The following DHRS4L2 variants were observed in gnomAD, a reference collection of about 807,000 sequenced individuals.
DHRS4L2 encodes the protein dehydrogenase/reductase SDR family member 4-like 2.
A neutral mutation model predicts 23.9 loss-of-function variants in DHRS4L2; 22 were observed. That is an observed-to-expected ratio of 0.92 (90% confidence interval 0.66 to 1.31). The LOEUF is 1.31. Ranked by LOEUF, DHRS4L2 falls within the 40% of genes most tolerant of loss-of-function variation. DHRS4L2 has a pLI of 0.00. For missense variants in DHRS4L2, 385 were observed against 303.3 expected, an observed-to-expected ratio of 1.27 and a Z score of -2.00; for synonymous variants, 141 against 123.7, an observed-to-expected ratio of 1.14 and a Z score of -0.93.
At position 23,990,096 on chromosome 14, in the gene DHRS4L2, C is replaced by G. The variant is rs915803268; in HGVS notation, c.129-86C>G. 1.9e-6 allele frequency: 3 copies of G among 1,566,560 alleles called. No individual in the cohort carries two copies. The Admixed American group carries it at 6.0e-5, about 31-fold the overall frequency. On this transcript the variant is annotated intron_variant, in intron 1 of 7. Transcript: ENST00000335125. Reference sequence around the variant, plus strand: ...TATAGAGAAAGAGCCAGAATTCAAACCCGGGCAGTCTTAACTTCAGAGCCC... The same window carrying G: ...TATAGAGAAAGAGCCAGAATTCAAAGCCGGGCAGTCTTAACTTCAGAGCCC...
Position 24,004,331 on chromosome 14 carries a change from C to G in DHRS4L2, c.666-6C>G, listed in dbSNP as rs373224355. On this transcript the variant is annotated splice_polypyrimidine_tract_variant and splice_region_variant and intron_variant, in intron 6 of 7. Coordinates refer to ENST00000335125, the MANE Select transcript of DHRS4L2 (RefSeq NM_198083.4). ...AAACATAAAGAGATTTCCCTTCTTCCTACAGCTCTGGATGGACAAGGAAAA... is the reference window on the plus strand; with the variant it reads ...AAACATAAAGAGATTTCCCTTCTTCGTACAGCTCTGGATGGACAAGGAAAA... 11 of 1,600,718 alleles carry G rather than the reference C, an allele frequency of 6.9e-6. 1 individual carries two copies. The highest frequency in any genetic ancestry group is 4.4e-5 in the African/African-American group (3 of 68,120).
chr14:23,998,241 G>A (rs2034421734), intron 3 of DHRS4L2, among the ~76,000 whole-genome samples: 1 of 152,006 alleles, frequency 6.6e-6, no homozygotes, highest in Non-Finnish European at 1.5e-5. Flanking sequence ...TCCATTTACA[G>A]AGCACAGGCA....
chr14:24,005,242 TTTTG>T, intron 7 of DHRS4L2, among the ~76,000 whole-genome samples: 4 of 125,120 alleles, frequency 3.2e-5, no homozygotes, highest in Non-Finnish European at 6.7e-5. Context: ...TTCTTTTCTT[TTTTG>T]GTTTAAGCCT....
chr14:23,985,366 ACT>A (rs750048671), upstream of DHRS4L2, among the ~76,000 whole-genome samples: 164 of 151,394 alleles, frequency 1.1e-3, 2 homozygotes, highest in Non-Finnish European at 1.1e-3. Context: ...TGCTGTTAAC[ACT>A]CTTACTATTA....
intron 7 of DHRS4L2, 52 bp from the exon 8 acceptor site, chr14:24,005,834 G>T: frequency 6.2e-7 from 1 of 1,604,698 alleles, no homozygotes; most frequent in South Asian, 1.1e-5. Context: ...CCAGGTGAGG[G>T]AGGCAGACCC....
intron 1 of DHRS4L2, among the ~76,000 whole-genome samples, chr14:23,981,511 T>G (rs1374987109): frequency 1.3e-5 from 2 of 151,512 alleles, no homozygotes; most frequent in Non-Finnish European, 2.9e-5. Context: ...GGCCAGCCCC[T>G]CCACACCTGT....
chr14:23,989,181 CA>C (rs2034213620), intron 1 of DHRS4L2, 106 bp downstream of exon 1: 3 of 1,493,952 alleles, frequency 2.0e-6, no homozygotes, highest in Non-Finnish European at 1.8e-6. Context: ...CACATACCGC[CA>C]AAGTCTGGCC....
In DHRS4L2 at chr14:24,001,436, C is replaced by T; in HGVS notation, c.584C>T (p.Thr195Ile). The T allele has an allele frequency of 6.2e-7, 1 of 1,607,720 alleles. No homozygotes were observed. The highest frequency in any genetic ancestry group is 8.5e-7 in the Non-Finnish European group (1 of 1,179,370). Residue 195 changes from threonine (T) to isoleucine (I), a missense_variant, in exon 6 of 8, where the codon ACC (threonine) becomes ATC (isoleucine). Transcript: ENST00000335125. ...SKTALLGLNNTLAIELAPRNI... is the reference protein window; with the variant it reads ...SKTALLGLNNILAIELAPRNI... The stretch of plus-strand genomic sequence containing the variant: ...ACAGCCTTGCTGGGCCTCAACAATA[C>T]CCTGGCCATAGAGCTGGCCCCAAGG...
intron 1 of DHRS4L2, among the ~76,000 whole-genome samples, chr14:23,975,976 A>G (rs1202723093): frequency 1.3e-5 from 2 of 151,512 alleles, no homozygotes; most frequent in Non-Finnish European, 2.9e-5. Context: ...TTAAAGCCTT[A>G]AATGTAAGAC....
chr14:23,973,317 T>G (rs1219822310), intron 1 of DHRS4L2, among the ~76,000 whole-genome samples: 2 of 151,958 alleles, frequency 1.3e-5, no homozygotes, highest in Non-Finnish European at 2.9e-5. Context: ...CCAGAACTCG[T>G]GCTGGCCTGC....
At chr14:23,986,506 A>AT (rs1255569648), upstream of DHRS4L2, among the ~76,000 whole-genome samples, 2 of 116,832 alleles carry the variant, frequency 1.7e-5, no homozygotes, top group African/African-American at 6.5e-5. Context: ...TTAAAGTATA[A>AT]TAAAAAAAAA....
At chr14:23,988,918 G>A (rs1297063131), upstream of DHRS4L2, 15 of 1,609,142 alleles carry the variant, frequency 9.3e-6, no homozygotes, top group Non-Finnish European at 1.3e-5. Context: ...CCGCTGGAAG[G>A]AGTGGAACCC....
At chr14:23,973,662 A>G (rs1169010439) in intron 1 of DHRS4L2, among the ~76,000 whole-genome samples, 1 of 151,962 alleles carries the variant, frequency 6.6e-6, no homozygotes, top group African/African-American at 2.4e-5. Context: ...GAAGGCCATC[A>G]CATAATGGTA....
At chr14:23,986,892 C>T (rs188532062), upstream of DHRS4L2, among the ~76,000 whole-genome samples, 37 of 151,688 alleles carry the variant, frequency 2.4e-4, no homozygotes, top group Non-Finnish European at 4.3e-4. Flanking sequence ...AGGAGTGTGG[C>T]GCTTCCAGCC....
At chr14:23,973,477 T>C (rs7160610) in intron 1 of DHRS4L2, among the ~76,000 whole-genome samples, 2,142 of 151,578 alleles carry the variant, frequency 0.014, 77 homozygotes, top group African/African-American at 0.049. Context: ...GTGGCCAGAG[T>C]GGGTGCTGAG....
chr14:24,000,428 A>C (rs903384404), intron 3 of DHRS4L2, among the ~76,000 whole-genome samples: 10 of 151,632 alleles, frequency 6.6e-5, no homozygotes, highest in African/African-American at 2.4e-4. Context: ...TAAGCCCAGA[A>C]GCCAGAGAAG....
At chr14:24,004,732 A>G in intron 7 of DHRS4L2, 1 of 393,654 alleles carries the variant, frequency 2.5e-6, no homozygotes, top group Non-Finnish European at 4.4e-6. Context: ...CCCTTGAATA[A>G]TGACACATGT....
intron 1 of DHRS4L2, among the ~76,000 whole-genome samples, chr14:23,975,291 TAGAC>T (rs561606106): frequency 1.1e-3 from 172 of 151,206 alleles, no homozygotes; most frequent in African/African-American, 3.5e-3. Flanking sequence ...ATGCAAATAA[TAGAC>T]AGAGAGCCAA....
intron 3 of DHRS4L2, among the ~76,000 whole-genome samples, 161 bp downstream of exon 3, chr14:23,995,294 G>T (rs1428205296): frequency 6.6e-6 from 1 of 151,720 alleles, no homozygotes; most frequent in Non-Finnish European, 1.5e-5. Flanking sequence ...AGGTGGGGGT[G>T]GCTCTTTCTC....
Sources: allele counts gnomAD v4.1 joint callset (sites outside exome capture counted in the v4.1 genomes callset), GRCh38; gene constraint gnomAD v4.1.1; transcripts MANE v1.5; gene names NCBI Gene and HGNC (gene_info 2026-07-23, HGNC 2026-07-21).